Variants in GRM7 observed in about 807,000 individuals in gnomAD.
GRM7 encodes glutamate metabotropic receptor 7.
GRM7 carries 35 observed loss-of-function variants against 84.5 expected under a neutral mutation model. The observed-to-expected ratio is 0.41, with a 90% confidence interval of 0.32 to 0.55. The LOEUF is 0.55. Among genes scored for constraint, GRM7 ranks in the 20% least tolerant of loss-of-function variants. The pLI is 0.19. For missense variants in GRM7, 1,003 were observed against 1,194.6 expected, an observed-to-expected ratio of 0.84 and a Z score of 2.36; for synonymous variants, 487 against 455.1, an observed-to-expected ratio of 1.07 and a Z score of -0.89.
At chr3:7,407,114 C>G (rs1042954037) in intron 4 of GRM7, among the ~76,000 whole-genome samples, 1 of 152,156 alleles carries the variant, frequency 6.6e-6, no homozygotes, top group Non-Finnish European at 1.5e-5. Flanking sequence ...GAGTAAAACC[C>G]TTACCACATT....
chr3:6,926,520 G>A (rs2116711), intron 1 of GRM7, among the ~76,000 whole-genome samples: 15,851 of 152,150 alleles, frequency 0.1, 900 homozygotes, highest in African/African-American at 0.13. Flanking sequence ...CCTGCACAAC[G>A]TTTTAAAAGC....
intron 8 of GRM7, among the ~76,000 whole-genome samples, chr3:7,584,358 G>A (rs938839898): frequency 1.3e-5 from 2 of 152,176 alleles, no homozygotes; most frequent in South Asian, 2.1e-4. Context: ...TGAAATGCCT[G>A]TTCTACCTTA....
chr3:7,286,761 A>G (rs1699445400), intron 2 of GRM7, among the ~76,000 whole-genome samples: 1 of 152,112 alleles, frequency 6.6e-6, no homozygotes, highest in East Asian at 1.9e-4. Flanking sequence ...TGGTTGATCA[A>G]ATTTATATTG....
chr3:7,390,743 A>G (rs906026313), intron 4 of GRM7, among the ~76,000 whole-genome samples: 1 of 151,590 alleles, frequency 6.6e-6, no homozygotes. Context: ...CATCTTTCAA[A>G]TCTTGGATCT....
intron 9 of GRM7, 62 bp from the exon 10 acceptor site, chr3:7,740,295 C>T: frequency 9.3e-7 from 1 of 1,076,950 alleles, no homozygotes. Context: ...AGTTCTAATT[C>T]TATTTCTACC....
chr3:7,547,468 A>C (rs1329016801), intron 7 of GRM7, among the ~76,000 whole-genome samples: 1 of 152,052 alleles, frequency 6.6e-6, no homozygotes, highest in Non-Finnish European at 1.5e-5. Context: ...GGCCTCCCAA[A>C]GTGCTGGGAT....
intron 1 of GRM7, among the ~76,000 whole-genome samples, chr3:7,048,300 A>C (rs1446947438): frequency 6.6e-6 from 1 of 151,980 alleles, no homozygotes; most frequent in Non-Finnish European, 1.5e-5. Flanking sequence ...TGGGGAATTA[A>C]ATATTTAGAT....
At position 7,409,025 on chromosome 3, in the gene GRM7, A is replaced by T. The variant is rs574193456; in HGVS notation, c.1034-5998A>T. On this transcript the variant is annotated intron_variant, in intron 4 of 9. Transcript: ENST00000357716. ...CCACTACATTAAATTCTCATGTGCA[A>T]TTGGGTCTAGTTCTGGACTTTCTGT... Among the ~76,000 whole-genome samples, 2 of 152,326 alleles carry T rather than the reference A, an allele frequency of 1.3e-5. 1 individual carries two copies. The highest frequency in any genetic ancestry group is 4.1e-4 in the South Asian group (2 of 4,830).
rs202139296 is a variant in GRM7 at position 7,550,192 on chromosome 3, C to CA, written c.1516-28221dup. 2.0e-3 allele frequency among the ~76,000 whole-genome samples: 291 copies of CA among 149,034 alleles called. 2 individuals are homozygous for CA. The highest frequency in any genetic ancestry group is 5.9e-3 in the African/African-American group (238 of 40,650). ...AAGAATTGGGTAACTGCCCAGAGGC[C>CA]AAAAAAAAACCTAAAAGGTAGAAAG... is the stretch of plus-strand genomic sequence containing the variant. On this transcript the variant is annotated intron_variant, in intron 7 of 9. Transcript: ENST00000357716.
intron 4 of GRM7, among the ~76,000 whole-genome samples, chr3:7,355,462 G>A (rs1559261428): frequency 6.6e-6 from 1 of 152,110 alleles, no homozygotes; most frequent in Non-Finnish European, 1.5e-5. Context: ...AGATAGAGGT[G>A]CTGCTTGGAG....
chr3:7,447,211 A>G (rs972227176), intron 5 of GRM7, among the ~76,000 whole-genome samples: 12 of 152,220 alleles, frequency 7.9e-5, no homozygotes, highest in Non-Finnish European at 1.2e-4. Flanking sequence ...CCAAATAAAG[A>G]ATATAATAAT....
chr3:6,905,660 C>G (rs1216650230), intron 1 of GRM7, among the ~76,000 whole-genome samples: 1 of 152,038 alleles, frequency 6.6e-6, no homozygotes, highest in East Asian at 1.9e-4. Flanking sequence ...TATTTTGTTT[C>G]TCTCCTTCAG....
At chr3:7,304,754 G>C (rs562779567) in intron 3 of GRM7, among the ~76,000 whole-genome samples, 1 of 151,468 alleles carries the variant, frequency 6.6e-6, no homozygotes, top group African/African-American at 2.4e-5. Context: ...TTATTTTTTC[G>C]TATCATGTTC....
At chr3:7,590,809 C>G (rs1377206959) in intron 8 of GRM7, among the ~76,000 whole-genome samples, 4 of 152,122 alleles carry the variant, frequency 2.6e-5, no homozygotes, top group Non-Finnish European at 5.9e-5. Context: ...GGAGCTCCAC[C>G]CCAGTCATGT....
intron 9 of GRM7, among the ~76,000 whole-genome samples, chr3:7,703,519 C>T (rs10510371): frequency 0.074 from 11,236 of 151,908 alleles, 980 homozygotes; most frequent in African/African-American, 0.2. Flanking sequence ...CACTTCCAAT[C>T]CGGGAGTTTC....
At chr3:7,000,511 A>G (rs80131629) in intron 1 of GRM7, among the ~76,000 whole-genome samples, 15,790 of 152,084 alleles carry the variant, frequency 0.1, 1,139 homozygotes, top group Non-Finnish European at 0.16. Context: ...TTTAAAAAGC[A>G]CATTCTGAGG....
chr3:7,720,208 G>A (rs2106518922), intron 9 of GRM7, among the ~76,000 whole-genome samples: 1 of 152,254 alleles, frequency 6.6e-6, no homozygotes, highest in Non-Finnish European at 1.5e-5. Flanking sequence ...TTTGACATGA[G>A]CAGCCTCACC....
At chr3:7,734,810 T>C (rs1419766879) in intron 9 of GRM7, among the ~76,000 whole-genome samples, 1 of 152,186 alleles carries the variant, frequency 6.6e-6, no homozygotes, top group Non-Finnish European at 1.5e-5. Flanking sequence ...TCTTCTCAAG[T>C]TGAGGAATGT....
intron 2 of GRM7, among the ~76,000 whole-genome samples, chr3:7,219,919 T>A (rs1372743638): frequency 2.6e-5 from 4 of 152,092 alleles, no homozygotes. Context: ...AAACCCATGA[T>A]GGTAAAAGTA....
Sources: allele counts gnomAD v4.1 joint callset (sites outside exome capture counted in the v4.1 genomes callset), GRCh38; gene constraint gnomAD v4.1.1; transcripts MANE v1.5; gene names NCBI Gene and HGNC (gene_info 2026-07-23, HGNC 2026-07-21).